Variants in LARP4 observed in about 807,000 individuals in gnomAD.
The protein encoded by LARP4 is la-related protein 4.
Under a neutral mutation model 92.9 loss-of-function variants are expected in LARP4, and 29 were observed. The observed-to-expected ratio is 0.31, with a 90% CI of 0.23 to 0.43. LARP4 has a LOEUF of 0.43. Among genes scored for constraint, LARP4 ranks in the 20% least tolerant of loss-of-function variants. LARP4 has a pLI of 1.00. For synonymous variants in LARP4, 279 were observed against 284.1 expected (o/e 0.98, Z 0.18); for missense variants, 732 against 860.0 (o/e 0.85, Z 1.86).
At chr12:50,465,371 CAAAA>C (rs368980753) in intron 12 of LARP4, among the ~76,000 whole-genome samples, 2 of 112,362 alleles carry the variant, frequency 1.8e-5, no homozygotes, top group Non-Finnish European at 3.5e-5. Flanking sequence ...GACTCTGTCT[CAAAA>C]AAAAAAAAAA....
intron 8 of LARP4, among the ~76,000 whole-genome samples, chr12:50,446,382 T>TCCCCCCC (rs1952105224): frequency 5.8e-4 from 3 of 5,166 alleles, no homozygotes; most frequent in Non-Finnish European, 5.5e-4. Context: ...TCTCTCTCTC[T>TCCCCCCC]CTCTCTCTCT....
rs892559751 is a variant in LARP4, at chr12:50,478,872, A to C, written c.*3008A>C. ...TCAGCTGGGTTTTGAGGAATATAAG[A>C]GCTTTCAATGATAAAGGTTTGTTGT... On this transcript the variant is annotated 3_prime_UTR_variant, in exon 16 of 16. Transcript: ENST00000398473. The C allele has an allele frequency of 2.0e-5, 3 of 152,196 alleles. No individual in the cohort carries two copies. Among genetic ancestry groups the C allele is most frequent in the Admixed American group, 6.5e-5 (1 of 15,276 alleles). 9.4% of individuals were successfully genotyped at this position (152,196 alleles called of 1,614,324 possible). A position where few individuals can be genotyped will look rare whatever the true frequency, so the allele number is the denominator to read the frequency against.
chr12:50,406,071 A>G (rs1418714095), intron 1 of LARP4, among the ~76,000 whole-genome samples: 2 of 152,124 alleles, frequency 1.3e-5, no homozygotes, highest in African/African-American at 4.8e-5. Flanking sequence ...TACAGAACCT[A>G]TGGATATGGA....
At chr12:50,412,352 T>C in intron 1 of LARP4, 6 of 779,064 alleles carry the variant, frequency 7.7e-6, no homozygotes, top group Non-Finnish European at 7.8e-6. Context: ...CCTGGATGAT[T>C]GATGGGGCAA....
At chr12:50,423,782 G>A (rs1401144379) in intron 1 of LARP4, among the ~76,000 whole-genome samples, 1 of 139,656 alleles carries the variant, frequency 7.2e-6, no homozygotes, top group African/African-American at 2.7e-5. Context: ...ACGGAGTCTT[G>A]TTCTTGTCAC....
intron 10 of LARP4, among the ~76,000 whole-genome samples, chr12:50,456,389 T>TA (rs11460254): frequency 0.7 from 106,372 of 152,066 alleles, 43,984 homozygotes; most frequent in Non-Finnish European, 0.93. Flanking sequence ...ATACTTTTTC[T>TA]AAAAATGCAA....
chr12:50,430,303 A>G (rs557411219), intron 3 of LARP4, among the ~76,000 whole-genome samples, 192 bp from the exon 4 acceptor site: 1 of 152,292 alleles, frequency 6.6e-6, no homozygotes, highest in African/African-American at 2.4e-5. Context: ...GGTTGAGGCT[A>G]TACTGAGCTG....
intron 13 of LARP4, among the ~76,000 whole-genome samples, chr12:50,471,015 A>G (rs1457064525): frequency 6.6e-6 from 1 of 152,146 alleles, no homozygotes; most frequent in African/African-American, 2.4e-5. Flanking sequence ...CAAACCAGGC[A>G]TGGTGGGTCA....
chr12:50,418,991 G>C (rs1281352365), intron 1 of LARP4, among the ~76,000 whole-genome samples: 1 of 152,138 alleles, frequency 6.6e-6, no homozygotes, highest in Non-Finnish European at 1.5e-5. Flanking sequence ...AAAGTGCTGG[G>C]ATTACAGGTG....
chr12:50,436,172 A>G (rs200564755), intron 5 of LARP4, among the ~76,000 whole-genome samples: 15 of 36,540 alleles, frequency 4.1e-4, no homozygotes, highest in Non-Finnish European at 9.4e-4. Flanking sequence ...GTGTGTGTGT[A>G]TGTATATATA....
Position 50,475,858 on chromosome 12 carries a change from A to G in LARP4, c.2169A>G (p.Pro723=), listed in dbSNP as rs766585851. The G allele has an allele frequency of 2.5e-6, 4 of 1,611,052 alleles. No homozygotes were observed. Among genetic ancestry groups the G allele is most frequent in the Admixed American group, 1.7e-5 (1 of 59,554 alleles). Reference sequence around the variant, plus strand: ...AGCAATATGTGCCACCCAGATCACCAAAGTAAAAAACAACAAAACTATTCA... The same window carrying G: ...AGCAATATGTGCCACCCAGATCACCGAAGTAAAAAACAACAAAACTATTCA... ...GKEQYVPPRS[P]K is the part of the protein sequence containing the mutation. The change falls in exon 16 of 16, where the codon CCA becomes CCG. Residue 723 remains proline (P), a synonymous_variant. Coordinates refer to ENST00000398473, the MANE Select transcript of LARP4 (RefSeq NM_052879.5).
intron 1 of LARP4, among the ~76,000 whole-genome samples, chr12:50,411,371 A>G (rs1945859361): frequency 1.3e-5 from 2 of 151,894 alleles, no homozygotes; most frequent in African/African-American, 2.4e-5. Context: ...ATTTTTTGAG[A>G]TGGATTTTTG....
At position 50,476,852 on chromosome 12, in the gene LARP4, A is replaced by C. The variant is rs1024676950; in HGVS notation, c.*988A>C. The C allele has an allele frequency of 2.4e-4, 36 of 152,526 alleles. No homozygotes were observed. The highest frequency in any genetic ancestry group is 7.7e-4 in the African/African-American group (32 of 41,452). The allele number at this position is 152,526 out of a possible 1,614,324, so 9.4% of individuals were successfully genotyped here. ...CTAGTCAAATCATATAAATTGTTCTAAATTTCAGAATTGAACATTGAAGTA... is the reference window on the plus strand; with the variant it reads ...CTAGTCAAATCATATAAATTGTTCTCAATTTCAGAATTGAACATTGAAGTA... On this transcript the variant is annotated 3_prime_UTR_variant, in exon 16 of 16. Coordinates refer to ENST00000398473, the MANE Select transcript of LARP4 (RefSeq NM_052879.5).
rs772813238 is a variant in LARP4, at chr12:50,428,952, G to A, written c.184G>A (p.Glu62Lys). ...AHPEGNAELS[E>K]DICKEYEVMY... ...TAATACAGGTAATGCAGAGCTCTCA[G>A]AAGATATATGTAAAGAATATGAAGT... is the stretch of plus-strand genomic sequence containing the variant. Residue 62 changes from glutamate to lysine, a missense_variant, in exon 3 of 16, where the codon GAA (glutamate) becomes AAA (lysine). Glu to Lys is a moderately conservative substitution (Grantham distance 56). This residue lies in a region of LARP4 where 236 missense variants were observed against 307.6 expected (regional missense o/e 0.77). Transcript: ENST00000398473. The A allele has an allele frequency of 5.0e-6, 8 of 1,596,248 alleles. No homozygotes were observed. Among genetic ancestry groups the A allele is most frequent in the Admixed American group, 3.5e-5 (2 of 57,824 alleles).
intron 1 of LARP4, among the ~76,000 whole-genome samples, chr12:50,409,874 C>A (rs1382223187): frequency 6.6e-6 from 1 of 151,536 alleles, no homozygotes; most frequent in Non-Finnish European, 1.5e-5. Context: ...TTGCAACTTC[C>A]GCCTCCCAGG....
Position 50,462,607 on chromosome 12 carries a change from C to A in LARP4, c.1360C>A (p.Arg454=). ...GRRTLFRGRR[R]REDDRISRPH... ...GAGAACTCTCTTCAGAGGTCGAAGA[C>A]GACGAGAAGATGACAGGATCTCAGT... Residue 454 remains arginine, a synonymous_variant, in exon 12 of 16, where the codon CGA becomes AGA. Transcript: ENST00000398473. 7.9e-7 allele frequency: 1 copy of A among 1,273,636 alleles called. No individual in the cohort carries two copies. The highest frequency in any genetic ancestry group is 1.0e-6 in the Non-Finnish European group (1 of 960,480). 78.9% of individuals were successfully genotyped at this position (1,273,636 alleles called of 1,614,324 possible).
At chr12:50,414,391 C>T (rs1354641679) in intron 1 of LARP4, among the ~76,000 whole-genome samples, 2 of 152,140 alleles carry the variant, frequency 1.3e-5, no homozygotes, top group East Asian at 3.8e-4. Flanking sequence ...GCAACCTCCT[C>T]CTCCCATTCT....
At chr12:50,413,282 T>A (rs974303683) in intron 1 of LARP4, among the ~76,000 whole-genome samples, 1 of 152,046 alleles carries the variant, frequency 6.6e-6, no homozygotes, top group Non-Finnish European at 1.5e-5. Context: ...TTATTCTAGC[T>A]AAACTGACTT....
At chr12:50,439,786 T>A (rs998641826) in intron 6 of LARP4, among the ~76,000 whole-genome samples, 10 of 152,210 alleles carry the variant, frequency 6.6e-5, no homozygotes, top group Non-Finnish European at 1.0e-4. Context: ...TTTTTTTTTT[T>A]AATAAGCTTC....
Sources: gnomAD v4.1 joint callset for allele counts (sites outside exome capture counted in the v4.1 genomes callset) on GRCh38, gnomAD v4.1.1 for gene constraint, gnomAD v4.1.1 regional missense constraint, MANE v1.5 for transcripts, NCBI Gene and HGNC (gene_info 2026-07-23, HGNC 2026-07-21) for gene names.